The following ETNK1 variants were observed in gnomAD, a reference collection of about 807,000 sequenced individuals.
ETNK1 encodes putative protein product of Nbla10396.
In ETNK1, 8 loss-of-function variants were observed where a neutral mutation model predicts 45.1. That is an observed-to-expected ratio of 0.18 (90% CI 0.10 to 0.32). The LOEUF is 0.32. Among genes scored for constraint, ETNK1 ranks in the 10% least tolerant of loss-of-function variants. ETNK1 has a pLI of 1.00. For synonymous variants in ETNK1, 152 were observed against 151.9 expected (o/e 1.00, Z -0.01); for missense variants, 302 against 430.6 (o/e 0.70, Z 2.64).
chr12:22,642,933 TC>T (rs967006755), intron 1 of ETNK1, among the ~76,000 whole-genome samples: 1 of 152,022 alleles, frequency 6.6e-6, no homozygotes, highest in Non-Finnish European at 1.5e-5. Flanking sequence ...ATTACCTGTT[TC>T]CTTTTGAAAT....
At chr12:22,658,892 G>A (rs908140564) in intron 2 of ETNK1, 122 bp from the exon 3 acceptor site, 1 of 970,470 alleles carries the variant, frequency 1.0e-6, no homozygotes, top group Non-Finnish European at 1.5e-6. Flanking sequence ...ACAAGAGAGA[G>A]CACAGGTAGG....
rs1396988085 is a variant in ETNK1 at position 22,625,233 on chromosome 12, T to A, written c.-198T>A. 8 of 1,611,870 alleles carry A rather than the reference T, an allele frequency of 5.0e-6. No homozygotes were observed. The highest frequency in any genetic ancestry group is 6.8e-6 in the Non-Finnish European group (8 of 1,179,530). On this transcript the variant is annotated 5_prime_UTR_variant, in exon 1 of 8. Transcript: ENST00000266517. ...TCTCCGAGAGCGGGCCGGGCTCAGT[T>A]CAGCTGCTGTCCAGACCCGGATCGG...
At chr12:22,670,433 A>G (rs1271512709) in intron 4 of ETNK1, among the ~76,000 whole-genome samples, 1 of 151,076 alleles carries the variant, frequency 6.6e-6, no homozygotes, top group Non-Finnish European at 1.5e-5. Context: ...TAGGACCTAT[A>G]TCTTTGTTAA....
chr12:22,671,186 T>G (rs1230659285), intron 4 of ETNK1, 86 bp from the exon 5 acceptor site: 9 of 930,376 alleles, frequency 9.7e-6, no homozygotes, highest in Non-Finnish European at 1.6e-5. Context: ...GACAAAATAT[T>G]GGAAGCTATT....
chr12:22,650,903 AT>A (rs1953866489), intron 2 of ETNK1, among the ~76,000 whole-genome samples: 1 of 152,148 alleles, frequency 6.6e-6, no homozygotes, highest in Non-Finnish European at 1.5e-5. Flanking sequence ...TTCTGAAAAA[AT>A]TTGATTATGG....
intron 1 of ETNK1, among the ~76,000 whole-genome samples, chr12:22,639,132 G>A (rs1953696135): frequency 1.3e-5 from 2 of 152,066 alleles, no homozygotes; most frequent in African/African-American, 4.8e-5. Flanking sequence ...CTATTTATTG[G>A]TGGGGCGTTT....
chr12:22,659,976 T>A (rs1048311763), intron 3 of ETNK1, among the ~76,000 whole-genome samples: 2 of 149,996 alleles, frequency 1.3e-5, no homozygotes, highest in African/African-American at 2.5e-5. Context: ...ATTTTGTTTG[T>A]TCATGATTTA....
intron 2 of ETNK1, among the ~76,000 whole-genome samples, chr12:22,658,623 C>A (rs1953968169): frequency 6.6e-6 from 1 of 152,042 alleles, no homozygotes; most frequent in African/African-American, 2.4e-5. Context: ...GAGACTGGGC[C>A]CAACTCCAAA....
At chr12:22,637,822 T>C (rs1211199090) in intron 1 of ETNK1, among the ~76,000 whole-genome samples, 2 of 152,006 alleles carry the variant, frequency 1.3e-5, no homozygotes, top group African/African-American at 2.4e-5. Flanking sequence ...AAATCTTATA[T>C]ACTTATATTG....
chr12:22,679,656 G>A (rs1954194501), intron 6 of ETNK1, among the ~76,000 whole-genome samples: 1 of 151,686 alleles, frequency 6.6e-6, no homozygotes, highest in African/African-American at 2.4e-5. Flanking sequence ...TTTTACATAT[G>A]CGATCTGATA....
At chr12:22,675,427 C>T (rs545559357) in intron 6 of ETNK1, among the ~76,000 whole-genome samples, 10 of 152,132 alleles carry the variant, frequency 6.6e-5, no homozygotes, top group Non-Finnish European at 1.3e-4. Context: ...ACGATCATAG[C>T]TCACTGCAGC....
chr12:22,642,348 T>C (rs1953750265), intron 1 of ETNK1, among the ~76,000 whole-genome samples: 2 of 152,078 alleles, frequency 1.3e-5, no homozygotes, highest in Non-Finnish European at 2.9e-5. Context: ...ATGATTATGA[T>C]AAAAAATAGT....
chr12:22,644,330 C>T (rs1202999983), intron 2 of ETNK1: 12 of 1,543,038 alleles, frequency 7.8e-6, no homozygotes, highest in Non-Finnish European at 1.0e-5. Context: ...AAGTGTTATA[C>T]ATTTCTTACT....
intron 6 of ETNK1, among the ~76,000 whole-genome samples, chr12:22,675,498 G>C (rs1954151431): frequency 6.7e-6 from 1 of 149,218 alleles, no homozygotes; most frequent in South Asian, 2.1e-4. Flanking sequence ...TAGGACTACA[G>C]GCGCATGCCA....
intron 5 of ETNK1, among the ~76,000 whole-genome samples, chr12:22,672,481 A>G (rs1954119175): frequency 6.6e-6 from 1 of 152,192 alleles, no homozygotes; most frequent in African/African-American, 2.4e-5. Context: ...AGCTTATCAT[A>G]TACATATAAG....
At chr12:22,639,371 A>G (rs1398173279) in intron 1 of ETNK1, among the ~76,000 whole-genome samples, 1 of 151,934 alleles carries the variant, frequency 6.6e-6, no homozygotes, top group African/African-American at 2.4e-5. Flanking sequence ...TAACCCCTAT[A>G]TTTTCTTAAG....
At chr12:22,673,756 T>C (rs1218304943) in intron 6 of ETNK1, 96 bp downstream of exon 6, 1 of 1,179,322 alleles carries the variant, frequency 8.5e-7, no homozygotes, top group East Asian at 2.4e-5. Context: ...ATTTTAAGTT[T>C]TGTGAATTTT....
chr12:22,666,112 A>G (rs1345338353), intron 4 of ETNK1, among the ~76,000 whole-genome samples: 1 of 152,114 alleles, frequency 6.6e-6, no homozygotes, highest in Non-Finnish European at 1.5e-5. Flanking sequence ...TGCTCTCACC[A>G]TGTCAGTTGA....
chr12:22,635,459 A>G (rs1009321952), intron 1 of ETNK1, among the ~76,000 whole-genome samples: 1 of 152,220 alleles, frequency 6.6e-6, no homozygotes, highest in Middle Eastern at 3.2e-3. Context: ...TGTTCCATGC[A>G]GTGCTTGACT....
Sources: gnomAD v4.1 joint callset for allele counts (sites outside exome capture counted in the v4.1 genomes callset) on GRCh38, gnomAD v4.1.1 for gene constraint, MANE v1.5 for transcripts, NCBI Gene and HGNC (gene_info 2026-07-23, HGNC 2026-07-21) for gene names.